Variants in STK38 observed in about 807,000 individuals in gnomAD.
The protein encoded by STK38 is serine/threonine-protein kinase 38.
A neutral mutation model predicts 59.0 loss-of-function variants in STK38; 26 were observed. The observed-to-expected ratio is 0.44, with a 90% CI of 0.32 to 0.61. The LOEUF (loss-of-function observed/expected upper bound fraction) is 0.61. Among genes scored for constraint, STK38 ranks in the 20% least tolerant of loss-of-function variants. The pLI is 0.04. For synonymous variants in STK38, 175 were observed against 176.6 expected (o/e 0.99, Z 0.07); for missense variants, 433 against 566.0 (o/e 0.76, Z 2.38).
intron 12 of STK38, among the ~76,000 whole-genome samples, chr6:36,497,475 C>G (rs193175415): frequency 2.0e-5 from 3 of 152,224 alleles, no homozygotes; most frequent in African/African-American, 7.2e-5. Flanking sequence ...GTCCCGCTGG[C>G]GGGACCTAAG....
intron 1 of STK38, among the ~76,000 whole-genome samples, chr6:36,543,666 G>C (rs761370943): frequency 6.6e-6 from 1 of 151,432 alleles, no homozygotes; most frequent in Non-Finnish European, 1.5e-5. Context: ...TTTGGAAATG[G>C]AGTCTCACTC....
chr6:36,542,833 C>A (rs1777971636), intron 1 of STK38, among the ~76,000 whole-genome samples: 1 of 151,432 alleles, frequency 6.6e-6, no homozygotes, highest in Admixed American at 6.6e-5. Context: ...ATAATCCCAG[C>A]TACTCGGGAG....
At chr6:36,532,686 G>GAC (rs1777695267) in intron 2 of STK38, among the ~76,000 whole-genome samples, 1 of 152,046 alleles carries the variant, frequency 6.6e-6, no homozygotes, top group South Asian at 2.1e-4. Flanking sequence ...ATCACCTCAG[G>GAC]TCAGGAATTC....
intron 5 of STK38, among the ~76,000 whole-genome samples, chr6:36,519,283 G>C (rs187275041): frequency 5.3e-5 from 8 of 152,296 alleles, no homozygotes; most frequent in Admixed American, 3.3e-4. Context: ...ACCAAGTAAA[G>C]CATCTGCCTT....
At chr6:36,508,765 G>A (rs1225174190) in intron 7 of STK38, among the ~76,000 whole-genome samples, 1 of 152,234 alleles carries the variant, frequency 6.6e-6, no homozygotes, top group African/African-American at 2.4e-5. Flanking sequence ...TGAGTGCGGG[G>A]TCCAGCCACT....
In STK38 at chr6:36,527,207, A is replaced by AAAATATATATATATAT. The variant is rs60162863; in HGVS notation, c.132-1566_132-1565insATATATATATATATTT. Among the ~76,000 whole-genome samples, 14 of 119,344 alleles carry AAAATATATATATATAT rather than the reference A, an allele frequency of 1.2e-4. No homozygotes were observed. The Admixed American group carries it at 1.4e-3, about 12-fold the overall frequency. 78.3% of individuals were successfully genotyped at this position (119,344 alleles called of 152,430 possible). A position where few individuals can be genotyped will look rare whatever the true frequency, so the allele number is the denominator to read the frequency against. The stretch of plus-strand genomic sequence containing the variant: ...ACTCCGTCTCAAAAAAAAAAAAAAA[A>AAAATATATATATATAT]ATATATGTATATATATATATATTTA... On this transcript the variant is annotated intron_variant, in intron 2 of 13. Coordinates refer to ENST00000229812, the MANE Select transcript of STK38 (RefSeq NM_007271.4).
intron 2 of STK38, among the ~76,000 whole-genome samples, chr6:36,538,936 A>C (rs1777864487): frequency 6.6e-6 from 1 of 151,438 alleles, no homozygotes; most frequent in Non-Finnish European, 1.5e-5. Flanking sequence ...GATTAATGAC[A>C]GATACAAGAA....
At chr6:36,508,984 G>A (rs1001217836) in intron 7 of STK38, among the ~76,000 whole-genome samples, 1 of 152,166 alleles carries the variant, frequency 6.6e-6, no homozygotes, top group African/African-American at 2.4e-5. Context: ...AGCCCTAAAG[G>A]GGGTGTCACA....
At chr6:36,499,293 C>T (rs1424991149) in intron 10 of STK38, among the ~76,000 whole-genome samples, 1 of 152,160 alleles carries the variant, frequency 6.6e-6, no homozygotes. Flanking sequence ...CCCTATCACC[C>T]CATCTTCCCT....
chr6:36,514,062 G>A (rs1777184150), intron 7 of STK38, among the ~76,000 whole-genome samples: 1 of 151,406 alleles, frequency 6.6e-6, no homozygotes, highest in East Asian at 2.0e-4. Flanking sequence ...GGCTGAGGCA[G>A]GAGAATGGTG....
intron 2 of STK38, among the ~76,000 whole-genome samples, chr6:36,538,873 C>G (rs1039913195): frequency 1.1e-4 from 10 of 90,556 alleles, no homozygotes; most frequent in African/African-American, 4.6e-4. Context: ...GCCTGGGTGA[C>G]AGAACAAGAC....
At chr6:36,534,636 G>T (rs991041134) in intron 2 of STK38, among the ~76,000 whole-genome samples, 1 of 151,976 alleles carries the variant, frequency 6.6e-6, no homozygotes, top group Admixed American at 6.6e-5. Context: ...CTGGGTTAAA[G>T]CAAGACCCTG....
At chr6:36,525,101 A>G (rs531247411) in intron 3 of STK38, among the ~76,000 whole-genome samples, 3 of 152,334 alleles carry the variant, frequency 2.0e-5, no homozygotes, top group Middle Eastern at 3.4e-3. Flanking sequence ...GAGGGAGAGC[A>G]TTAGGACAAA....
chr6:36,544,415 T>C (rs1408455970), intron 1 of STK38, among the ~76,000 whole-genome samples: 2 of 151,578 alleles, frequency 1.3e-5, no homozygotes, highest in South Asian at 2.1e-4. Context: ...TACCCCCCCC[T>C]CCACCCACAA....
chr6:36,532,307 CATAA>C (rs1561989868), intron 2 of STK38, among the ~76,000 whole-genome samples: 17 of 103,548 alleles, frequency 1.6e-4, no homozygotes, highest in Admixed American at 4.6e-4. Context: ...ACCTTGTCTG[CATAA>C]AAAAAAAAAA....
At chr6:36,498,241 G>C (rs763794325) in intron 11 of STK38, 122 bp downstream of exon 11, 8 of 1,355,828 alleles carry the variant, frequency 5.9e-6, no homozygotes, top group Non-Finnish European at 7.1e-6. Context: ...CTTTTTATTT[G>C]TTTAAAGAGA....
chr6:36,522,046 T>C (rs1320572502), intron 4 of STK38: 3 of 330,024 alleles, frequency 9.1e-6, no homozygotes, highest in African/African-American at 2.2e-5. Flanking sequence ...CTGAACAGCT[T>C]TGGTTCCTTA....
chr6:36,513,737 C>T (rs1479404853), intron 7 of STK38, among the ~76,000 whole-genome samples: 2 of 151,322 alleles, frequency 1.3e-5, no homozygotes, highest in Non-Finnish European at 2.9e-5. Flanking sequence ...CAGGTGGTGG[C>T]TCACACTTGT....
At chr6:36,500,835 T>C (rs1776821507) in intron 9 of STK38, among the ~76,000 whole-genome samples, 1 of 152,090 alleles carries the variant, frequency 6.6e-6, no homozygotes, top group African/African-American at 2.4e-5. Context: ...ACACATTCTT[T>C]GATTTGACAC....
Sources: gnomAD v4.1 joint callset for allele counts (sites outside exome capture counted in the v4.1 genomes callset) on GRCh38, gnomAD v4.1.1 for gene constraint, MANE v1.5 for transcripts, NCBI Gene and HGNC (gene_info 2026-07-23, HGNC 2026-07-21) for gene names.